Variants in MIA2 observed in about 807,000 individuals in gnomAD.
MIA2 encodes the protein MIA SH3 domain ER export factor 2, also known as melanoma inhibitory activity protein 2.
In MIA2, 127 loss-of-function variants were observed where a neutral mutation model predicts 167.8. The observed-to-expected ratio is 0.76, with a 90% confidence interval of 0.66 to 0.88. The LOEUF (loss-of-function observed/expected upper bound fraction) is 0.88. MIA2 is among the 40% of genes least tolerant of loss of function. The pLI, the probability that MIA2 is intolerant of heterozygous loss-of-function variation, is 0.00. For synonymous variants in MIA2, 552 were observed against 541.9 expected, an observed-to-expected ratio of 1.02 and a Z score of -0.26; for missense variants, 1,690 against 1,624.7, an observed-to-expected ratio of 1.04 and a Z score of -0.69.
At chr14:39,369,085 T>A (rs1000026155) in intron 23 of MIA2, among the ~76,000 whole-genome samples, 2 of 152,232 alleles carry the variant, frequency 1.3e-5, no homozygotes, top group Non-Finnish European at 2.9e-5. Context: ...CATATTTTTT[T>A]AAATGTAAGA....
rs567384488 is a variant in MIA2 at position 39,325,477 on chromosome 14, T to C, written c.3497-1387T>C. ...CCTCCTCCTGAGTTCAAGCCATTCT[T>C]CTGCCTCAGCCTCCTGAGTAGCTGG... On this transcript the variant is annotated intron_variant, in intron 24 of 28. Coordinates refer to ENST00000640607, the MANE Select transcript of MIA2 (RefSeq NM_001329214.4). Among the ~76,000 whole-genome samples the C allele has an allele frequency of 4.6e-4, 69 of 149,862 alleles. No individual in the cohort carries two copies. The East Asian group carries it at 8.4e-3, about 18-fold the overall frequency.
intron 28 of MIA2, 36 bp downstream of exon 28, chr14:39,349,013 A>T: frequency 6.3e-7 from 1 of 1,584,714 alleles, no homozygotes; most frequent in Non-Finnish European, 8.7e-7. Context: ...AAAGCTCAAT[A>T]TGTGGTTTAT....
At chr14:39,370,544 G>T in intron 23 of MIA2, 1 of 365,116 alleles carries the variant, frequency 2.7e-6, no homozygotes, top group Non-Finnish European at 5.6e-6. Context: ...CGCAGTTGTA[G>T]GATATGCACC....
intron 23 of MIA2, among the ~76,000 whole-genome samples, chr14:39,360,235 G>A (rs1209760427): frequency 6.6e-6 from 1 of 152,188 alleles, no homozygotes; most frequent in Non-Finnish European, 1.5e-5. Flanking sequence ...CTGGGAGGCA[G>A]AGGTTGCAGT....
At chr14:39,378,238 T>C (rs1224266731) in intron 23 of MIA2, among the ~76,000 whole-genome samples, 1 of 152,184 alleles carries the variant, frequency 6.6e-6, no homozygotes, top group East Asian at 1.9e-4. Context: ...TTCTTGACTT[T>C]GAAAAACAAA....
At chr14:39,386,213 C>A in intron 23 of MIA2, 2 of 1,392,622 alleles carry the variant, frequency 1.4e-6, no homozygotes. Context: ...AGATTTTATA[C>A]CCAGTTTGTC....
intron 13 of MIA2, among the ~76,000 whole-genome samples, chr14:39,297,369 C>T (rs746936590): frequency 4.6e-5 from 7 of 151,236 alleles, no homozygotes; most frequent in South Asian, 4.2e-4. Flanking sequence ...TGGGATTACA[C>T]GCATGAGCCA....
intron 23 of MIA2, among the ~76,000 whole-genome samples, chr14:39,358,793 C>G (rs1371066407): frequency 6.6e-6 from 1 of 152,148 alleles, no homozygotes; most frequent in Non-Finnish European, 1.5e-5. Context: ...AGCTGCAGGT[C>G]TGTTGGAATT....
rs570800366 is a variant in MIA2, at chr14:39,266,859, C to T, written c.1888-10075C>T. The T allele has an allele frequency of 5.3e-5, 40 of 758,056 alleles. No individual in the cohort carries two copies. The Admixed American group carries it at 8.8e-4, about 17-fold the overall frequency. The allele number at this position is 758,056 out of a possible 1,614,324, so 47.0% of individuals were successfully genotyped here. Reference sequence around the variant, plus strand: ...TGGGTCGGGGGGGTGGGGGTTGCGCCGAGACGCCTCTAGGAGAAGTCTCGC... The same window carrying T: ...TGGGTCGGGGGGGTGGGGGTTGCGCTGAGACGCCTCTAGGAGAAGTCTCGC... On this transcript the variant is annotated intron_variant, in intron 6 of 28. Transcript: ENST00000640607.
chr14:39,319,440 C>A (rs536406249), intron 23 of MIA2, 149 bp downstream of exon 23: 6 of 379,284 alleles, frequency 1.6e-5, no homozygotes, highest in African/African-American at 1.3e-4. Flanking sequence ...TAAGCTTTCT[C>A]ATAGACTCAC....
intron 25 of MIA2, among the ~76,000 whole-genome samples, chr14:39,341,691 T>G (rs2071891744): frequency 1.3e-5 from 2 of 152,254 alleles, no homozygotes; most frequent in South Asian, 4.1e-4. Context: ...CAGTAGCTAT[T>G]TAGGAGAGTG....
chr14:39,311,835 TG>T (rs35060760), intron 18 of MIA2, among the ~76,000 whole-genome samples: 65,097 of 137,816 alleles, frequency 0.47, 15,347 homozygotes, highest in Non-Finnish European at 0.55. Context: ...TGTGTGTGTG[TG>T]TTTTTTTTTT....
At chr14:39,344,734 A>G (rs960666298) in intron 25 of MIA2, among the ~76,000 whole-genome samples, 2 of 152,270 alleles carry the variant, frequency 1.3e-5, no homozygotes, top group South Asian at 2.1e-4. Flanking sequence ...AAGTTACACA[A>G]TTCACCTTCT....
chr14:39,284,271 G>C (rs778999901), intron 9 of MIA2, among the ~76,000 whole-genome samples: 2 of 152,072 alleles, frequency 1.3e-5, no homozygotes, highest in Admixed American at 1.3e-4. Context: ...TCTTTTGCGT[G>C]TGAAATCCAG....
intron 20 of MIA2, among the ~76,000 whole-genome samples, chr14:39,315,459 G>A (rs1045317335): frequency 2.0e-5 from 3 of 152,112 alleles, no homozygotes; most frequent in African/African-American, 7.2e-5. Context: ...ATTACATAAA[G>A]TAAAAGTTTA....
intron 17 of MIA2, among the ~76,000 whole-genome samples, chr14:39,307,977 C>T (rs933195685): frequency 6.6e-6 from 1 of 152,042 alleles, no homozygotes; most frequent in African/African-American, 2.4e-5. Flanking sequence ...GGTTAGTTAG[C>T]AGATACAAAA....
chr14:39,280,945 GTCTCTC>G (rs71130836), intron 9 of MIA2, among the ~76,000 whole-genome samples: 5 of 118,796 alleles, frequency 4.2e-5, no homozygotes, highest in Admixed American at 1.9e-4. Context: ...TTGAGACAGC[GTCTCTC>G]TCTCTCTCTT....
exon 24 of MIA2, chr14:39,387,040 C>A (rs1313091697): frequency 8.6e-6 from 6 of 697,236 alleles, no homozygotes; most frequent in Non-Finnish European, 1.5e-5. Flanking sequence ...CCCTACAGTG[C>A]CGGGTAGCTG....
intron 9 of MIA2, among the ~76,000 whole-genome samples, chr14:39,288,452 TATATATATATATATATA>T (rs1170637304): frequency 0.013 from 200 of 15,110 alleles, 31 homozygotes; most frequent in African/African-American, 0.023. Flanking sequence ...TATATATATA[TATATATATATATATATA>T]TATATATTTT....
Sources: gnomAD v4.1 joint callset for allele counts (sites outside exome capture counted in the v4.1 genomes callset) on GRCh38, gnomAD v4.1.1 for gene constraint, MANE v1.5 for transcripts, NCBI Gene and HGNC (gene_info 2026-07-23, HGNC 2026-07-21) for gene names.